The following NELL1 variants were observed in gnomAD, a reference collection of about 807,000 sequenced individuals.
NELL1 encodes neural EGFL like 1.
NELL1 carries 76 observed loss-of-function variants against 107.4 expected under a neutral mutation model. That is an observed-to-expected ratio of 0.71 (90% CI 0.59 to 0.86). NELL1 has a LOEUF of 0.86. Among genes scored for constraint, NELL1 ranks in the 40% least tolerant of loss-of-function variants. NELL1 has a pLI of 0.00. For missense variants in NELL1, 1,024 were observed against 1,005.5 expected (o/e 1.02, Z -0.25); for synonymous variants, 353 against 341.2 (o/e 1.03, Z -0.38).
chr11:20,675,254 C>A (rs962994170), intron 1 of NELL1, among the ~76,000 whole-genome samples: 3 of 152,148 alleles, frequency 2.0e-5, no homozygotes, highest in Non-Finnish European at 4.4e-5. Flanking sequence ...AGGTTTACTC[C>A]CATTGTAGTG....
chr11:21,078,982 C>A (rs1854203784), intron 12 of NELL1, among the ~76,000 whole-genome samples: 1 of 150,894 alleles, frequency 6.6e-6, no homozygotes, highest in African/African-American at 2.4e-5. Context: ...ACTTATAAAG[C>A]AAAAACTATG....
At chr11:21,501,826 G>A (rs981684457) in intron 15 of NELL1, among the ~76,000 whole-genome samples, 9 of 152,104 alleles carry the variant, frequency 5.9e-5, no homozygotes, top group African/African-American at 1.4e-4. Flanking sequence ...GTATCTGGGA[G>A]CCAATGTATT....
chr11:20,987,897 G>A (rs61880769), intron 12 of NELL1, among the ~76,000 whole-genome samples: 11,955 of 152,044 alleles, frequency 0.079, 518 homozygotes, highest in African/African-American at 0.12. Context: ...TCTTCAGCTC[G>A]CAGAGTATTT....
chr11:21,149,366 C>G lies in NELL1; in HGVS notation c.1426+35652C>G, dbSNP rs143683504. Among the ~76,000 whole-genome samples, 3 of 152,312 alleles carry G rather than the reference C, an allele frequency of 2.0e-5. No homozygotes were observed. The East Asian group carries it at 5.8e-4, about 29-fold the overall frequency. ...ATAAAGGAAAGATGTTTAATTGGCT[C>G]ACAGTTCCATGTGGCTGGGGAGGCC... is the stretch of plus-strand genomic sequence containing the variant. On this transcript the variant is annotated intron_variant, in intron 13 of 19. Coordinates refer to ENST00000357134, the MANE Select transcript of NELL1 (RefSeq NM_006157.5).
intron 15 of NELL1, among the ~76,000 whole-genome samples, chr11:21,405,516 A>G (rs1852214256): frequency 6.6e-6 from 1 of 152,036 alleles, no homozygotes; most frequent in Admixed American, 6.6e-5. Context: ...AGTTAATACG[A>G]GAAATCAGAT....
At chr11:20,731,065 G>A (rs998176744) in intron 2 of NELL1, among the ~76,000 whole-genome samples, 2 of 132,114 alleles carry the variant, frequency 1.5e-5, no homozygotes, top group Non-Finnish European at 3.2e-5. Flanking sequence ...AGAGTTAATC[G>A]GTATGTATGA....
At chr11:21,120,404 C>T (rs924291274) in intron 13 of NELL1, among the ~76,000 whole-genome samples, 1 of 152,034 alleles carries the variant, frequency 6.6e-6, no homozygotes, top group African/African-American at 2.4e-5. Flanking sequence ...GATATTTTCT[C>T]ATTTAGCAGA....
At chr11:21,439,481 T>C (rs1431414262) in intron 15 of NELL1, among the ~76,000 whole-genome samples, 1 of 152,152 alleles carries the variant, frequency 6.6e-6, no homozygotes, top group Non-Finnish European at 1.5e-5. Flanking sequence ...GGGAGTCATA[T>C]GGCAAGAGCA....
intron 15 of NELL1, among the ~76,000 whole-genome samples, chr11:21,475,264 C>T (rs1459411520): frequency 6.6e-6 from 1 of 152,042 alleles, no homozygotes; most frequent in African/African-American, 2.4e-5. Context: ...ATCTCAGTGT[C>T]ATTTTAATTG....
intron 5 of NELL1, among the ~76,000 whole-genome samples, chr11:20,887,356 G>A (rs2134110043): frequency 6.6e-6 from 1 of 152,310 alleles, no homozygotes; most frequent in Middle Eastern, 3.4e-3. Flanking sequence ...TTAGGTAAGT[G>A]TGTAGGTGTG....
In NELL1 at chr11:21,569,245, C is replaced by A. The variant is rs1308151992; in HGVS notation, c.1981-1519C>A. On this transcript the variant is annotated intron_variant, in intron 17 of 19. Coordinates refer to ENST00000357134, the MANE Select transcript of NELL1 (RefSeq NM_006157.5). ...AAAGCCTGCATTAAAGAAACTACAA[C>A]ACTTAAAACAAGGTGAGCATTAAAT... Among the ~76,000 whole-genome samples, 3 of 151,772 alleles carry A rather than the reference C, an allele frequency of 2.0e-5. No individual in the cohort carries two copies. The East Asian group carries it at 5.8e-4, about 30-fold the overall frequency.
At chr11:20,813,821 G>T (rs1273607461) in intron 3 of NELL1, among the ~76,000 whole-genome samples, 3 of 152,018 alleles carry the variant, frequency 2.0e-5, no homozygotes, top group African/African-American at 7.2e-5. Context: ...CTTCTCTTGA[G>T]ACATAATGAA....
At chr11:21,427,505 C>T (rs1376450463) in intron 15 of NELL1, among the ~76,000 whole-genome samples, 1 of 152,168 alleles carries the variant, frequency 6.6e-6, no homozygotes, top group Non-Finnish European at 1.5e-5. Flanking sequence ...AACTATTTCA[C>T]TCTAAGGGAA....
chr11:20,905,157 T>A (rs368432654), intron 5 of NELL1, among the ~76,000 whole-genome samples: 3 of 151,998 alleles, frequency 2.0e-5, no homozygotes, highest in East Asian at 1.9e-4. Context: ...CTTTATAACA[T>A]AAGATTAGGA....
At chr11:21,507,058 A>G (rs2133939547) in intron 15 of NELL1, among the ~76,000 whole-genome samples, 1 of 152,332 alleles carries the variant, frequency 6.6e-6, no homozygotes, top group African/African-American at 2.4e-5. Flanking sequence ...AGACACAAAC[A>G]ATGAGGCTCA....
chr11:20,907,251 T>A (rs1351730128), intron 5 of NELL1, among the ~76,000 whole-genome samples: 14 of 100,906 alleles, frequency 1.4e-4, no homozygotes, highest in Non-Finnish European at 9.8e-5. Flanking sequence ...AAAAAAAAAA[T>A]TTCTTCATCA....
intron 2 of NELL1, among the ~76,000 whole-genome samples, chr11:20,715,318 T>A (rs10437609): frequency 0.93 from 139,060 of 150,030 alleles, 64,903 homozygotes; most frequent in East Asian, 1. Flanking sequence ...TTTTTTTTTT[T>A]AAAGAATGAT....
At chr11:20,948,900 A>C (rs1851018351) in intron 11 of NELL1, among the ~76,000 whole-genome samples, 1 of 152,142 alleles carries the variant, frequency 6.6e-6, no homozygotes, top group Non-Finnish European at 1.5e-5. Flanking sequence ...TTCCAGAGTT[A>C]AGGAGGTCCC....
chr11:21,185,451 C>T (rs1352733950), intron 13 of NELL1, among the ~76,000 whole-genome samples: 2 of 151,502 alleles, frequency 1.3e-5, no homozygotes, highest in Non-Finnish European at 2.9e-5. Context: ...CCCGCCACCA[C>T]ACCCGGCTAA....
Sources: allele counts gnomAD v4.1 joint callset (sites outside exome capture counted in the v4.1 genomes callset), GRCh38; gene constraint gnomAD v4.1.1; transcripts MANE v1.5; gene names NCBI Gene and HGNC (gene_info 2026-07-23, HGNC 2026-07-21).